Variants in SGCZ observed in about 807,000 individuals in gnomAD.
SGCZ encodes sarcoglycan zeta.
In SGCZ, 40 loss-of-function variants were observed where a neutral mutation model predicts 41.3. The observed-to-expected ratio is 0.97, with a 90% CI of 0.75 to 1.26. The LOEUF (loss-of-function observed/expected upper bound fraction) is 1.26, where lower values mean the gene tolerates loss of function less well. Among genes scored for constraint, SGCZ ranks in the 50% most tolerant of loss-of-function variants. The pLI, the probability that SGCZ is intolerant of heterozygous loss-of-function variation, is 0.00. For missense variants in SGCZ, 552 were observed against 369.8 expected (o/e 1.49, Z -4.04); for synonymous variants, 206 against 137.5 (o/e 1.50, Z -3.49).
chr8:14,229,981 G>A, intron 4 of SGCZ, among the ~76,000 whole-genome samples: 1 of 152,080 alleles, frequency 6.6e-6, no homozygotes, highest in East Asian at 1.9e-4. Context: ...ATAACTTGAT[G>A]AAAGAGTAAA....
At chr8:14,870,686 A>G (rs1804115887) in intron 1 of SGCZ, among the ~76,000 whole-genome samples, 1 of 152,248 alleles carries the variant, frequency 6.6e-6, no homozygotes, top group South Asian at 2.1e-4. Flanking sequence ...TAATCTATCC[A>G]TCTGACAAAG....
intron 2 of SGCZ, among the ~76,000 whole-genome samples, chr8:14,457,540 C>A (rs1429714898): frequency 6.6e-6 from 1 of 152,332 alleles, no homozygotes; most frequent in African/African-American, 2.4e-5. Context: ...GGAGGCCTAA[C>A]CGTCTCCCTG....
intron 1 of SGCZ, among the ~76,000 whole-genome samples, chr8:15,123,336 G>C (rs1272430934): frequency 3.9e-5 from 6 of 152,036 alleles, no homozygotes; most frequent in African/African-American, 1.4e-4. Context: ...TCATATTCAG[G>C]CCTTCTTTCC....
chr8:15,084,830 C>T (rs1014862705), intron 1 of SGCZ, among the ~76,000 whole-genome samples: 2 of 152,050 alleles, frequency 1.3e-5, no homozygotes, highest in Non-Finnish European at 2.9e-5. Context: ...GGCTACTGGA[C>T]TCTCATATAT....
At chr8:14,718,126 T>G (rs1809752978) in intron 1 of SGCZ, among the ~76,000 whole-genome samples, 1 of 150,328 alleles carries the variant, frequency 6.7e-6, no homozygotes, top group African/African-American at 2.4e-5. Flanking sequence ...AATGTTATAC[T>G]TTTTTTATAT....
At chr8:14,868,395 T>A (rs548637546) in intron 1 of SGCZ, among the ~76,000 whole-genome samples, 40 of 152,276 alleles carry the variant, frequency 2.6e-4, no homozygotes, top group Middle Eastern at 3.4e-3. Flanking sequence ...TTCTGCTACA[T>A]TGCTGACCAA....
At chr8:14,691,771 C>A (rs1354036466) in intron 1 of SGCZ, among the ~76,000 whole-genome samples, 2 of 151,612 alleles carry the variant, frequency 1.3e-5, no homozygotes, top group Non-Finnish European at 2.9e-5. Flanking sequence ...AATAATGAAC[C>A]AATCAAAAAC....
At chr8:14,788,515 G>C (rs1207401299) in intron 1 of SGCZ, among the ~76,000 whole-genome samples, 1 of 152,188 alleles carries the variant, frequency 6.6e-6, no homozygotes, top group Non-Finnish European at 1.5e-5. Context: ...TCTGGGGACA[G>C]TAGCTTAACT....
chr8:14,325,737 CACACACACACATATATATATATAT>C (rs1802074523), intron 2 of SGCZ, among the ~76,000 whole-genome samples: 2 of 31,314 alleles, frequency 6.4e-5, no homozygotes, highest in South Asian at 2.6e-3. Context: ...CACACACACA[CACACACACACATATATATATATAT>C]ATATATATAT....
At position 14,237,573 on chromosome 8, in the gene SGCZ, T is replaced by A; in HGVS notation, c.424+19A>T. 3 of 1,609,654 alleles carry A rather than the reference T, an allele frequency of 1.9e-6. No individual in the cohort carries two copies. The highest frequency in any genetic ancestry group is 1.7e-6 in the Non-Finnish European group (2 of 1,177,546). On this transcript the variant is annotated intron_variant, in intron 4 of 7. Coordinates refer to ENST00000382080, the MANE Select transcript of SGCZ (RefSeq NM_139167.4). ...AAAACCAAGCACAGTAGGAGCAATC[T>A]TTACCCCAAAACACTCACCTATGGT...
At chr8:14,986,406 G>T (rs1313232999) in intron 1 of SGCZ, among the ~76,000 whole-genome samples, 1 of 151,920 alleles carries the variant, frequency 6.6e-6, no homozygotes, top group Admixed American at 6.6e-5. Context: ...TGACTGATAC[G>T]CACAGCATTT....
intron 3 of SGCZ, among the ~76,000 whole-genome samples, chr8:14,280,380 C>T (rs1259655922): frequency 6.6e-6 from 1 of 151,780 alleles, no homozygotes; most frequent in Non-Finnish European, 1.5e-5. Context: ...TGTTTATAAC[C>T]TCAAGGTAGG....
At chr8:15,097,898 ATATATATATATACGTGTG>A (rs1240906534) in intron 1 of SGCZ, among the ~76,000 whole-genome samples, 3 of 112,446 alleles carry the variant, frequency 2.7e-5, no homozygotes, top group South Asian at 3.1e-4. Flanking sequence ...GTATATATAT[ATATATATATATACGTGTG>A]TATATATATA....
chr8:14,775,978 A>G (rs1343567237), intron 1 of SGCZ, among the ~76,000 whole-genome samples: 1 of 152,206 alleles, frequency 6.6e-6, no homozygotes, highest in African/African-American at 2.4e-5. Context: ...AAGGTAAATA[A>G]GCCCATCGTG....
At chr8:14,530,816 C>T (rs1024253308) in intron 2 of SGCZ, among the ~76,000 whole-genome samples, 1 of 152,072 alleles carries the variant, frequency 6.6e-6, no homozygotes, top group Non-Finnish European at 1.5e-5. Flanking sequence ...CACCACATCT[C>T]TTTTAAAAAA....
At chr8:14,820,601 G>C (rs1051546927) in intron 1 of SGCZ, among the ~76,000 whole-genome samples, 1 of 151,942 alleles carries the variant, frequency 6.6e-6, no homozygotes, top group Non-Finnish European at 1.5e-5. Flanking sequence ...GATCACAAAC[G>C]AGTGTTAACA....
At chr8:14,331,530 A>G (rs937544906) in intron 2 of SGCZ, among the ~76,000 whole-genome samples, 2 of 152,092 alleles carry the variant, frequency 1.3e-5, no homozygotes, top group Non-Finnish European at 2.9e-5. Context: ...GCCTCCCTGT[A>G]TTCCTGCATA....
intron 1 of SGCZ, among the ~76,000 whole-genome samples, chr8:15,220,476 C>A (rs931047438): frequency 1.3e-5 from 2 of 152,052 alleles, no homozygotes; most frequent in Admixed American, 1.3e-4. Flanking sequence ...ACTGCTTGGG[C>A]AATTCTGATT....
At chr8:14,896,849 C>T (rs1204130347) in intron 1 of SGCZ, among the ~76,000 whole-genome samples, 2 of 151,658 alleles carry the variant, frequency 1.3e-5, no homozygotes, top group Admixed American at 6.6e-5. Context: ...GGTGTGAACT[C>T]GGCTCACTGC....
Sources: gnomAD v4.1 joint callset for allele counts (sites outside exome capture counted in the v4.1 genomes callset) on GRCh38, gnomAD v4.1.1 for gene constraint, MANE v1.5 for transcripts, NCBI Gene and HGNC (gene_info 2026-07-23, HGNC 2026-07-21) for gene names.